The following ARHGEF38 variants were observed in gnomAD, a reference collection of about 807,000 sequenced individuals.
ARHGEF38 encodes the protein Rho guanine nucleotide exchange factor (GEF) 38.
A neutral mutation model predicts 79.9 loss-of-function variants in ARHGEF38; 79 were observed. The observed-to-expected ratio is 0.99, with a 90% CI of 0.82 to 1.19. The LOEUF is 1.19. Ranked by LOEUF, ARHGEF38 falls within the 50% of genes most tolerant of loss-of-function variation. The probability of loss-of-function intolerance (pLI) is 0.00; values close to 1 mark genes in which losing one functional copy is unlikely to be tolerated. For missense variants in ARHGEF38, 962 were observed against 907.2 expected (o/e 1.06, Z -0.78); for synonymous variants, 366 against 328.3 (o/e 1.11, Z -1.24).
Position 105,589,394 on chromosome 4 carries a change from C to T in ARHGEF38, c.343C>T (p.Leu115=), listed in dbSNP as rs756237394. Residue 115 remains leucine (L), a synonymous_variant, in exon 2 of 14, where the codon CTG becomes TTG. Transcript: ENST00000420470. ...AAAGGATTATCTCAATGATCTAGAG[C>T]TGTGTGTTAGGGAAGTGGTTCAGCC... ...TEKDYLNDLE[L]CVREVVQPLR... The T allele has an allele frequency of 2.5e-6, 4 of 1,613,630 alleles. No individual in the cohort carries two copies. The East Asian group carries it at 8.9e-5, about 36-fold the overall frequency.
intron 1 of ARHGEF38, among the ~76,000 whole-genome samples, chr4:105,576,778 C>A (rs1726523348): frequency 6.6e-6 from 1 of 152,004 alleles, no homozygotes; most frequent in Non-Finnish European, 1.5e-5. Flanking sequence ...TTCAACTTTT[C>A]TTCCTCAGTG....
At chr4:105,657,578 T>A (rs1730384671) in intron 9 of ARHGEF38, among the ~76,000 whole-genome samples, 1 of 151,824 alleles carries the variant, frequency 6.6e-6, no homozygotes, top group Non-Finnish European at 1.5e-5. Flanking sequence ...TCATTTTGTG[T>A]CTGTGAGTCA....
intron 13 of ARHGEF38, among the ~76,000 whole-genome samples, chr4:105,673,949 A>G (rs547746735): frequency 4.6e-5 from 7 of 152,316 alleles, no homozygotes; most frequent in Non-Finnish European, 8.8e-5. Context: ...AGAGATACAT[A>G]TAATGTACCA....
intron 1 of ARHGEF38, among the ~76,000 whole-genome samples, chr4:105,585,970 A>G (rs1727024879): frequency 6.6e-6 from 1 of 151,950 alleles, no homozygotes; most frequent in Admixed American, 6.6e-5. Flanking sequence ...ACCTCAGGTG[A>G]TCCACCCACC....
In ARHGEF38 at chr4:105,631,057, T is replaced by A; in HGVS notation, c.656+12T>A. The A allele has an allele frequency of 6.3e-7, 1 of 1,599,478 alleles. No individual in the cohort carries two copies. Among genetic ancestry groups the A allele is most frequent in the Non-Finnish European group, 8.5e-7 (1 of 1,175,394 alleles). ...ATCCAGTCCTTAAAGTAAGGCCTTTTCAAATGATGATTCCCATCTCCTCTC... is the reference window on the plus strand; with the variant it reads ...ATCCAGTCCTTAAAGTAAGGCCTTTACAAATGATGATTCCCATCTCCTCTC... On this transcript the variant is annotated intron_variant, in intron 4 of 13. Transcript: ENST00000420470.
At chr4:105,676,730 A>G (rs1322311388) in intron 13 of ARHGEF38, among the ~76,000 whole-genome samples, 1 of 152,168 alleles carries the variant, frequency 6.6e-6, no homozygotes, top group Non-Finnish European at 1.5e-5. Flanking sequence ...AGGCCATAAA[A>G]TAATTTTTAA....
intron 7 of ARHGEF38, among the ~76,000 whole-genome samples, chr4:105,653,699 T>C (rs1469327675): frequency 6.6e-6 from 1 of 152,212 alleles, no homozygotes. Flanking sequence ...TTCTAGTCAA[T>C]AGATCAAATG....
At chr4:105,677,233 G>A (rs558332039) in intron 13 of ARHGEF38, among the ~76,000 whole-genome samples, 1 of 152,276 alleles carries the variant, frequency 6.6e-6, no homozygotes, top group Non-Finnish European at 1.5e-5. Context: ...AAAGTGCTGG[G>A]ATTACAGGCG....
chr4:105,677,652 A>G, intron 13 of ARHGEF38, 100 bp from the exon 14 acceptor site: 2 of 1,168,608 alleles, frequency 1.7e-6, no homozygotes, highest in Non-Finnish European at 2.3e-6. Flanking sequence ...GGCAAAACAA[A>G]AAAACTTTAG....
chr4:105,583,290 A>T (rs1444451646), intron 1 of ARHGEF38, among the ~76,000 whole-genome samples: 1 of 152,188 alleles, frequency 6.6e-6, no homozygotes, highest in Admixed American at 6.5e-5. Flanking sequence ...GCTTTTCTGC[A>T]ATATCACAAA....
chr4:105,670,615 C>T (rs1475876216), intron 13 of ARHGEF38, among the ~76,000 whole-genome samples: 1 of 152,060 alleles, frequency 6.6e-6, no homozygotes, highest in Non-Finnish European at 1.5e-5. Context: ...CTGGACATTA[C>T]TATTTGTTCT....
In ARHGEF38 at chr4:105,658,835, C is replaced by G. The variant is rs189019610; in HGVS notation, c.1234-219C>G. 7.9e-5 allele frequency among the ~76,000 whole-genome samples: 12 copies of G among 152,276 alleles called. No individual in the cohort carries two copies. The East Asian group carries it at 2.3e-3, about 29-fold the overall frequency. On this transcript the variant is annotated intron_variant, in intron 9 of 13. Transcript: ENST00000420470. ...ACTTTTGTATTCCTCTTCCTGCTCA[C>G]TTTTTAGGTTCAATGTTACAACCTA...
intron 2 of ARHGEF38, among the ~76,000 whole-genome samples, chr4:105,598,707 C>A (rs1050973503): frequency 6.6e-6 from 1 of 151,580 alleles, no homozygotes; most frequent in Non-Finnish European, 1.5e-5. Flanking sequence ...GATTTTCACA[C>A]TTTCTGTGGA....
intron 5 of ARHGEF38, among the ~76,000 whole-genome samples, chr4:105,637,567 G>A (rs1729449149): frequency 6.6e-6 from 1 of 152,132 alleles, no homozygotes; most frequent in African/African-American, 2.4e-5. Context: ...GATGGGGGCT[G>A]GGAAATGGCT....
chr4:105,649,805 A>G (rs1240470879), intron 7 of ARHGEF38, among the ~76,000 whole-genome samples: 4 of 152,222 alleles, frequency 2.6e-5, no homozygotes, highest in African/African-American at 7.2e-5. Context: ...TATTGACTCT[A>G]TATTTCAATC....
intron 1 of ARHGEF38, among the ~76,000 whole-genome samples, chr4:105,588,839 T>C (rs1030273449): frequency 1.3e-5 from 2 of 152,234 alleles, no homozygotes; most frequent in Non-Finnish European, 2.9e-5. Flanking sequence ...TTAATAGCAG[T>C]GACAAAATTC....
intron 3 of ARHGEF38, among the ~76,000 whole-genome samples, chr4:105,620,321 C>T (rs893336984): frequency 1.3e-5 from 2 of 152,042 alleles, no homozygotes; most frequent in Non-Finnish European, 2.9e-5. Context: ...GCTAGATGTG[C>T]GATCTTAGGC....
chr4:105,664,934 C>G (rs1335375061), intron 10 of ARHGEF38, among the ~76,000 whole-genome samples: 1 of 152,090 alleles, frequency 6.6e-6, no homozygotes, highest in African/African-American at 2.4e-5. Flanking sequence ...CCTACAGGTG[C>G]TCCTTAATGA....
At chr4:105,657,028 TGATAGATA>T (rs200343666) in intron 9 of ARHGEF38, among the ~76,000 whole-genome samples, 42 of 151,556 alleles carry the variant, frequency 2.8e-4, no homozygotes, top group Admixed American at 1.5e-3. Flanking sequence ...GATAGATAGA[TGATAGATA>T]GATAGATAGA....
Sources: gnomAD v4.1 joint callset for allele counts (sites outside exome capture counted in the v4.1 genomes callset) on GRCh38, gnomAD v4.1.1 for gene constraint, MANE v1.5 for transcripts, NCBI Gene and HGNC (gene_info 2026-07-23, HGNC 2026-07-21) for gene names.